The following MTR variants were observed in gnomAD, a reference collection of about 807,000 sequenced individuals.
MTR encodes methionine synthase.
In MTR, 84 loss-of-function variants were observed where a neutral mutation model predicts 154.8. The ratio of observed to expected loss-of-function variants is 0.54; its 90% CI spans 0.45 to 0.65. The LOEUF (loss-of-function observed/expected upper bound fraction) is 0.65, where lower values mean the gene tolerates loss of function less well. MTR is among the 30% of genes least tolerant of loss of function. MTR has a pLI of 0.00. For missense variants in MTR, 1,275 were observed against 1,570.2 expected (o/e 0.81, Z 3.18); for synonymous variants, 554 against 553.9 (o/e 1.00, Z 0.00).
At chr1:236,875,414 G>C (rs978265494) in intron 24 of MTR, among the ~76,000 whole-genome samples, 1 of 152,164 alleles carries the variant, frequency 6.6e-6, no homozygotes, top group African/African-American at 2.4e-5. Context: ...GTAAAGATGA[G>C]AAAGTTCAAA....
At chr1:236,830,167 T>C (rs1291757595) in intron 12 of MTR, among the ~76,000 whole-genome samples, 1 of 152,092 alleles carries the variant, frequency 6.6e-6, no homozygotes, top group African/African-American at 2.4e-5. Context: ...ATACGAACTA[T>C]ATTCAGGCTA....
chr1:236,800,572 T>A, intron 1 of MTR: 1 of 786,516 alleles, frequency 1.3e-6, no homozygotes, highest in Non-Finnish European at 1.5e-6. Flanking sequence ...CACTCGACTG[T>A]TAGAAGACAT....
intron 1 of MTR, among the ~76,000 whole-genome samples, chr1:236,800,714 G>C (rs1660656225): frequency 1.3e-5 from 2 of 152,186 alleles, no homozygotes; most frequent in South Asian, 4.1e-4. Context: ...AGTCCTTGCT[G>C]TGCTATAATA....
intron 13 of MTR, among the ~76,000 whole-genome samples, chr1:236,833,552 G>T (rs529371533): frequency 6.6e-6 from 1 of 152,274 alleles, no homozygotes; most frequent in East Asian, 1.9e-4. Flanking sequence ...CCAAGCATGT[G>T]CCCTTAACCA....
chr1:236,810,036 C>A (rs750923005), intron 4 of MTR, among the ~76,000 whole-genome samples: 1 of 152,132 alleles, frequency 6.6e-6, no homozygotes, highest in African/African-American at 2.4e-5. Flanking sequence ...GCAGAACTTA[C>A]GTTAAGTTCA....
intron 5 of MTR, among the ~76,000 whole-genome samples, 172 bp from the exon 6 acceptor site, chr1:236,812,566 C>T (rs1661366081): frequency 6.6e-6 from 1 of 152,178 alleles, no homozygotes; most frequent in African/African-American, 2.4e-5. Context: ...ACTTGTTTAC[C>T]TTCTGTCCCT....
chr1:236,888,391 G>A (rs901767149), intron 27 of MTR, among the ~76,000 whole-genome samples: 3 of 152,184 alleles, frequency 2.0e-5, no homozygotes, highest in African/African-American at 7.2e-5. Flanking sequence ...TGTCTCTGAA[G>A]TCTTCACCAT....
intron 32 of MTR, among the ~76,000 whole-genome samples, 192 bp downstream of exon 32, chr1:236,897,310 G>GCGCGCGCGCGCACACACACACACACA: frequency 5.3e-4 from 68 of 128,658 alleles, no homozygotes; most frequent in South Asian, 1.6e-3. Context: ...CCACACACAC[G>GCGCGCGCGCGCACACACACACACACA]CACACACACA....
rs12039633 is a variant in MTR at position 236,870,156 on chromosome 1, T to C, written c.2406-3617T>C. The stretch of plus-strand genomic sequence containing the variant: ...TTTGTGCATCCCAGTACCATAAGTG[T>C]CATTTCAGTGTGTGGAAATAGTGAG... On this transcript the variant is annotated intron_variant, in intron 22 of 32. Transcript: ENST00000366577. 9.0e-3 allele frequency among the ~76,000 whole-genome samples: 1,372 copies of C among 152,302 alleles called. 132 individuals carry two copies. The East Asian group carries it at 0.2, about 22-fold the overall frequency.
chr1:236,865,871 A>G (rs771530592), intron 22 of MTR, among the ~76,000 whole-genome samples: 10 of 151,570 alleles, frequency 6.6e-5, no homozygotes, highest in Non-Finnish European at 1.3e-4. Context: ...TTTTGATCCT[A>G]CTACCCTGCC....
At chr1:236,862,110 G>C in intron 20 of MTR, 126 bp from the exon 21 acceptor site, 1 of 798,046 alleles carries the variant, frequency 1.3e-6, no homozygotes, top group South Asian at 1.4e-5. Flanking sequence ...ACTGTCAAAA[G>C]ACTCCAGTGT....
chr1:236,847,022 G>A (rs1460236854), intron 15 of MTR, among the ~76,000 whole-genome samples: 3 of 152,156 alleles, frequency 2.0e-5, no homozygotes, highest in East Asian at 1.9e-4. Context: ...AAGTAGCTGG[G>A]ACTACAGGCC....
At chr1:236,816,397 A>G (rs376928211) in intron 7 of MTR, 52 bp from the exon 8 acceptor site, 30 of 1,474,972 alleles carry the variant, frequency 2.0e-5, no homozygotes, top group African/African-American at 4.2e-5. Flanking sequence ...CTTTATATCT[A>G]TATTCTTAAC....
chr1:236,798,629 A>C (rs916551556), intron 1 of MTR, among the ~76,000 whole-genome samples: 2 of 152,248 alleles, frequency 1.3e-5, no homozygotes, highest in Non-Finnish European at 2.9e-5. Context: ...TACATTAAAC[A>C]TAAAAATATT....
chr1:236,800,332 T>C (rs1660635481), intron 1 of MTR: 2 of 985,336 alleles, frequency 2.0e-6, no homozygotes, highest in African/African-American at 1.7e-5. Context: ...TGAAATTTCA[T>C]GTGCATGACC....
chr1:236,795,616 G>C lies in MTR; in HGVS notation c.-88G>C. The C allele has an allele frequency of 1.9e-6, 3 of 1,603,824 alleles. No individual in the cohort carries two copies. Among genetic ancestry groups the C allele is most frequent in the Non-Finnish European group, 2.5e-6 (3 of 1,177,944 alleles). ...GCCTTGTGTGGCAGGCTCGCCTGGCGCTGGCTGGCGTGGCCCTTGGCCGTC... is the reference window on the plus strand; with the variant it reads ...GCCTTGTGTGGCAGGCTCGCCTGGCCCTGGCTGGCGTGGCCCTTGGCCGTC... On this transcript the variant is annotated 5_prime_UTR_variant, in exon 1 of 33. Transcript: ENST00000366577.
At chr1:236,826,270 T>C (rs987728275) in intron 10 of MTR, among the ~76,000 whole-genome samples, 3 of 152,218 alleles carry the variant, frequency 2.0e-5, no homozygotes, top group Non-Finnish European at 4.4e-5. Context: ...AGTCATTAGA[T>C]AGGCAAATCT....
chr1:236,887,935 T>C (rs528048167), intron 27 of MTR, among the ~76,000 whole-genome samples: 112 of 152,262 alleles, frequency 7.4e-4, no homozygotes, highest in Non-Finnish European at 1.3e-3. Context: ...GGTCTATCTG[T>C]AGATTCCTTT....
rs1231238009 is a variant in MTR at position 236,874,449 on chromosome 1, C to T, written c.2474-277C>T. ...AATTAGCCAAGCTTGGTGGTGGGCA[C>T]CTGTAATCGCAGCTACTCAGGAGGG... On this transcript the variant is annotated intron_variant, in intron 23 of 32. Transcript: ENST00000366577. 2.0e-5 allele frequency among the ~76,000 whole-genome samples: 3 copies of T among 151,768 alleles called. No homozygotes were observed. The South Asian group carries it at 6.3e-4, about 32-fold the overall frequency.
Sources: gnomAD v4.1 joint callset for allele counts (sites outside exome capture counted in the v4.1 genomes callset) on GRCh38, gnomAD v4.1.1 for gene constraint, MANE v1.5 for transcripts, NCBI Gene and HGNC (gene_info 2026-07-23, HGNC 2026-07-21) for gene names.